Variants in HNRNPLL observed in about 807,000 individuals in gnomAD.
HNRNPLL encodes heterogeneous nuclear ribonucleoprotein L-like.
A neutral mutation model predicts 67.1 loss-of-function variants in HNRNPLL; 25 were observed. That is an observed-to-expected ratio of 0.37 (90% CI 0.27 to 0.52). HNRNPLL has a LOEUF of 0.52. Ranked by LOEUF, HNRNPLL falls within the 20% of genes least tolerant of loss-of-function variation. The pLI is 0.90. For missense variants in HNRNPLL, 542 were observed against 673.9 expected, an observed-to-expected ratio of 0.80 and a Z score of 2.17; for synonymous variants, 267 against 241.7, an observed-to-expected ratio of 1.10 and a Z score of -0.97.
chr2:38,591,144 C>CA (rs1253387625), intron 2 of HNRNPLL, among the ~76,000 whole-genome samples: 1 of 152,056 alleles, frequency 6.6e-6, no homozygotes, highest in African/African-American at 2.4e-5. Flanking sequence ...TCAAGAACAA[C>CA]AAAAAAATCA....
chr2:38,599,958 G>A (rs1667356973), intron 1 of HNRNPLL: 1 of 467,762 alleles, frequency 2.1e-6, no homozygotes, highest in Non-Finnish European at 4.4e-6. Flanking sequence ...AAGGACCACT[G>A]AAGTTGTGCA....
At position 38,602,455 on chromosome 2, in the gene HNRNPLL, G is replaced by T; in HGVS notation, c.172C>A (p.Arg58=). The change falls in exon 1 of 13, where the codon CGG becomes AGG. Residue 58 remains arginine, a synonymous_variant. Coordinates refer to ENST00000449105, the MANE Select transcript of HNRNPLL (RefSeq NM_138394.4). ...RGGGDGGGGG[R]SFSQPEAGGS... ...TTTGTTACCGGCTGAGAGAAGCTCC[G>T]GCCGCCGCCGCCGCCATCGCCCCCG... 6.5e-7 allele frequency: 1 copy of T among 1,535,764 alleles called. No homozygotes were observed. Among genetic ancestry groups the T allele is most frequent in the Non-Finnish European group, 8.7e-7 (1 of 1,146,872 alleles).
At chr2:38,565,479 G>A (rs1261937706) in intron 12 of HNRNPLL, among the ~76,000 whole-genome samples, 2 of 152,154 alleles carry the variant, frequency 1.3e-5, no homozygotes, top group Non-Finnish European at 2.9e-5. Flanking sequence ...GCTGAGGCCA[G>A]AGGACTGCTT....
chr2:38,581,653 A>C, intron 6 of HNRNPLL: 1 of 515,642 alleles, frequency 1.9e-6, no homozygotes, highest in South Asian at 3.6e-5. Context: ...CTGCTTGGAG[A>C]AATGCAAGTC....
In HNRNPLL at chr2:38,602,911, A is replaced by C; in HGVS notation, c.-285T>G. ...TCCTCCGTCTCCGCTCCCTGCCCGG[A>C]GGAGCGAATCTAAGGATGGGGACGC... On this transcript the variant is annotated 5_prime_UTR_variant, in exon 1 of 13. Transcript: ENST00000449105. 1 of 1,532,468 alleles carries C rather than the reference A, an allele frequency of 6.5e-7. No homozygotes were observed. Among genetic ancestry groups the C allele is most frequent in the Non-Finnish European group, 8.8e-7 (1 of 1,131,774 alleles). The allele number at this position is 1,532,468 out of a possible 1,614,324, so 94.9% of individuals were successfully genotyped here. A position where few individuals can be genotyped will look rare whatever the true frequency, so the allele number is the denominator to read the frequency against.
chr2:38,572,492 C>CTACT, intron 8 of HNRNPLL, among the ~76,000 whole-genome samples: 1 of 152,156 alleles, frequency 6.6e-6, no homozygotes, highest in Admixed American at 6.6e-5. Flanking sequence ...TTTTATCAAA[C>CTACT]TACTGGTAAC....
intron 2 of HNRNPLL, among the ~76,000 whole-genome samples, chr2:38,590,210 T>A (rs1240380319): frequency 1.3e-5 from 2 of 152,236 alleles, no homozygotes; most frequent in East Asian, 3.8e-4. Context: ...AATAAAATTA[T>A]GCCACAATGC....
chr2:38,599,146 T>A (rs1220337400), intron 1 of HNRNPLL, among the ~76,000 whole-genome samples: 1 of 152,240 alleles, frequency 6.6e-6, no homozygotes, highest in Non-Finnish European at 1.5e-5. Flanking sequence ...ATGTGCTGTA[T>A]AATCCTTTGT....
intron 1 of HNRNPLL, 46 bp downstream of exon 1, chr2:38,602,392 C>T (rs758455636): frequency 3.3e-6 from 5 of 1,535,942 alleles, no homozygotes; most frequent in Middle Eastern, 2.3e-4. Context: ...CCCTGCTTCC[C>T]GGGGAGCAGC....
At chr2:38,596,370 T>A (rs751073496) in intron 1 of HNRNPLL, among the ~76,000 whole-genome samples, 2 of 152,102 alleles carry the variant, frequency 1.3e-5, no homozygotes, top group Non-Finnish European at 2.9e-5. Flanking sequence ...GCAGTTCTCC[T>A]GCCTCAGCCT....
chr2:38,585,889 G>C lies in HNRNPLL; in HGVS notation c.309-8C>G, dbSNP rs1558539991. 14 of 1,522,214 alleles carry C rather than the reference G, an allele frequency of 9.2e-6. No homozygotes were observed. Among genetic ancestry groups the C allele is most frequent in the Non-Finnish European group, 1.3e-5 (14 of 1,098,440 alleles). The allele number at this position is 1,522,214 out of a possible 1,614,324, so 94.3% of individuals were successfully genotyped here. ...GGCATCATCATCACATAGCTGAAAA[G>C]GGAGAAAAGGAGGAAACACACAAAC... On this transcript the variant is annotated splice_polypyrimidine_tract_variant and splice_region_variant and intron_variant, in intron 2 of 12. Transcript: ENST00000449105.
chr2:38,585,363 A>G (rs1441243753), intron 3 of HNRNPLL, among the ~76,000 whole-genome samples: 1 of 152,216 alleles, frequency 6.6e-6, no homozygotes, highest in Admixed American at 6.5e-5. Flanking sequence ...AACGATTTCA[A>G]ACAAGTCTGT....
intron 1 of HNRNPLL, among the ~76,000 whole-genome samples, chr2:38,595,061 C>T (rs546025672): frequency 2.0e-5 from 3 of 151,208 alleles, no homozygotes; most frequent in Admixed American, 6.6e-5. Context: ...CTCAGGAGTT[C>T]GAGGCTCAGG....
intron 1 of HNRNPLL, among the ~76,000 whole-genome samples, chr2:38,593,257 A>G (rs945530704): frequency 5.9e-5 from 9 of 152,274 alleles, no homozygotes; most frequent in African/African-American, 2.2e-4. Flanking sequence ...ATTAACAATC[A>G]GACTCTGTCT....
Position 38,591,564 on chromosome 2 carries a change from G to T in HNRNPLL, c.274C>A (p.Leu92Ile), listed in dbSNP as rs761212737. Residue 92 changes from leucine (L) to isoleucine (I), a missense_variant, in exon 2 of 13, where the codon CTC (leucine) becomes ATC (isoleucine). Coordinates refer to ENST00000449105, the MANE Select transcript of HNRNPLL (RefSeq NM_138394.4). ...CCAAATTTTTCCAGCGCTTCCACGAGGTCTGCTTCCACCACAGATTCACAG... is the reference window on the plus strand; with the variant it reads ...CCAAATTTTTCCAGCGCTTCCACGATGTCTGCTTCCACCACAGATTCACAG... The part of the protein sequence containing the change: ...GLCESVVEAD[L>I]VEALEKFGTI... 6.2e-7 allele frequency: 1 copy of T among 1,613,224 alleles called. No individual in the cohort carries two copies. Among genetic ancestry groups the T allele is most frequent in the South Asian group, 1.1e-5 (1 of 91,058 alleles).
At chr2:38,564,345 T>C (rs572605694) in intron 12 of HNRNPLL, 108 bp from the exon 13 acceptor site, 15 of 665,614 alleles carry the variant, frequency 2.3e-5, no homozygotes, top group South Asian at 2.2e-4. Flanking sequence ...ATAAGAAATA[T>C]GGTGAATATA....
At chr2:38,585,200 AG>A (rs1666679082) in intron 3 of HNRNPLL, among the ~76,000 whole-genome samples, 2 of 152,216 alleles carry the variant, frequency 1.3e-5, no homozygotes, top group East Asian at 3.8e-4. Context: ...GTAAAGAAGC[AG>A]GGAATTTAAA....
intron 2 of HNRNPLL, among the ~76,000 whole-genome samples, chr2:38,586,702 T>A (rs1440354666): frequency 6.6e-6 from 1 of 152,096 alleles, no homozygotes; most frequent in East Asian, 1.9e-4. Context: ...ATATAAATAA[T>A]CTCCTCCAAA....
intron 7 of HNRNPLL, 37 bp from the exon 8 acceptor site, chr2:38,573,464 T>G: frequency 2.1e-5 from 27 of 1,296,946 alleles, no homozygotes; most frequent in Non-Finnish European, 2.9e-5. Context: ...TTAGTTAACA[T>G]ATACACATAG....
Sources: allele counts gnomAD v4.1 joint callset (sites outside exome capture counted in the v4.1 genomes callset), GRCh38; gene constraint gnomAD v4.1.1; transcripts MANE v1.5; gene names NCBI Gene and HGNC (gene_info 2026-07-23, HGNC 2026-07-21).